KANK1: variants seen among roughly 807,000 people sequenced by gnomAD.
The protein encoded by KANK1 is KN motif and ankyrin repeat domain-containing protein 1.
A neutral mutation model predicts 106.2 loss-of-function variants in KANK1; 109 were observed. The observed-to-expected ratio is 1.03, with a 90% confidence interval of 0.88 to 1.20. The LOEUF (loss-of-function observed/expected upper bound fraction) is 1.20. KANK1 is among the 50% of genes most tolerant of loss of function. The pLI, the probability that KANK1 is intolerant of heterozygous loss-of-function variation, is 0.00. For missense variants in KANK1, 2,399 were observed against 1,710.7 expected, an observed-to-expected ratio of 1.40 and a Z score of -7.10; for synonymous variants, 873 against 652.2, an observed-to-expected ratio of 1.34 and a Z score of -5.16.
chr9:563,491 G>A (rs183309720), intron 1 of KANK1, among the ~76,000 whole-genome samples: 164 of 152,280 alleles, frequency 1.1e-3, no homozygotes, highest in African/African-American at 3.7e-3. Context: ...GTAATATGTT[G>A]TTAACTGAAA....
chr9:596,506 C>G (rs905673992), intron 1 of KANK1, among the ~76,000 whole-genome samples: 1 of 151,690 alleles, frequency 6.6e-6, no homozygotes, highest in African/African-American at 2.4e-5. Flanking sequence ...TGTCACGGAG[C>G]CAGTGATTAT....
rs147796892 is a variant in KANK1 at position 535,934 on chromosome 9, A to C, written c.-84+31180A>C. ...CCAAGCTCCTTCACTACCCAATTCC[A>C]AAACCACTTCCACATTTTTTGGTAT... On this transcript the variant is annotated intron_variant, in intron 1 of 11. Transcript: ENST00000382297. Among the ~76,000 whole-genome samples the C allele has an allele frequency of 1.5e-3, 228 of 152,268 alleles. 1 individual carries two copies. The highest frequency in any genetic ancestry group is 5.1e-3 in the African/African-American group (212 of 41,538).
At chr9:731,482 T>A in intron 5 of KANK1, 1 of 410,560 alleles carries the variant, frequency 2.4e-6, no homozygotes. Context: ...CTGATGAAGC[T>A]GAGCGGTTTA....
intron 1 of KANK1, among the ~76,000 whole-genome samples, chr9:619,900 T>C (rs750622143): frequency 6.6e-6 from 1 of 151,864 alleles, no homozygotes; most frequent in Non-Finnish European, 1.5e-5. Context: ...ATTTTGGGAG[T>C]CTGAGGCGAG....
chr9:491,540 TAC>T (rs1323918235), intron 3 of KANK1, among the ~76,000 whole-genome samples: 3 of 152,142 alleles, frequency 2.0e-5, no homozygotes, highest in Admixed American at 6.6e-5. Context: ...GTGCTGGGAT[TAC>T]AGGTGTGAGC....
At chr9:715,387 C>G (rs1024157105) in intron 3 of KANK1, among the ~76,000 whole-genome samples, 1 of 152,104 alleles carries the variant, frequency 6.6e-6, no homozygotes, top group Non-Finnish European at 1.5e-5. Context: ...AGTGGATCAT[C>G]CATTATAAAA....
Position 713,139 on chromosome 9 carries a change from A to C in KANK1, c.2373A>C (p.Thr791=), listed in dbSNP as rs768139583. The C allele has an allele frequency of 9.7e-5, 155 of 1,597,264 alleles. No homozygotes were observed. The highest frequency in any genetic ancestry group is 3.3e-4 in the Middle Eastern group (2 of 5,984). ...CGPPQLTVGL[T]ASRRSVGVGD... ...CACCACAGTTGACTGTGGGGCTGAC[A>C]GCCAGCAGAAGGAGCGTGGGGGTTG... The change falls in exon 3 of 12, where the codon ACA becomes ACC. Residue 791 remains threonine (T), a synonymous_variant. Transcript: ENST00000382297.
chr9:583,430 C>G (rs1207348057), intron 1 of KANK1, among the ~76,000 whole-genome samples: 2 of 152,076 alleles, frequency 1.3e-5, no homozygotes, highest in Admixed American at 6.5e-5. Context: ...CCTGCATGTT[C>G]TTTAATCTTC....
At chr9:735,679 T>TA in intron 7 of KANK1, 1 of 371,172 alleles carries the variant, frequency 2.7e-6, no homozygotes, top group Non-Finnish European at 5.9e-6. Flanking sequence ...CCATATATTT[T>TA]AAATCATTTC....
rs1563971981 is a variant in KANK1 at position 677,066 on chromosome 9, T to A, written c.37+57T>A. ...ATGTATGTCTTTTCTCAAACTAATT[T>A]TTTATTCTCTTTAATAATGAACGGA... On this transcript the variant is annotated intron_variant, in intron 2 of 11. Coordinates refer to ENST00000382297, the MANE Select transcript of KANK1 (RefSeq NM_015158.5). The A allele has an allele frequency of 2.2e-5, 32 of 1,473,144 alleles. No homozygotes were observed. The South Asian group carries it at 3.7e-4, about 17-fold the overall frequency. 91.3% of individuals were successfully genotyped at this position (1,473,144 alleles called of 1,614,324 possible).
chr9:486,917 C>T (rs546879104), intron 3 of KANK1, among the ~76,000 whole-genome samples: 1 of 152,248 alleles, frequency 6.6e-6, no homozygotes, highest in East Asian at 1.9e-4. Flanking sequence ...TTTATGTCTT[C>T]TTGCAGTAAA....
At chr9:656,348 A>G (rs775183530) in intron 1 of KANK1, among the ~76,000 whole-genome samples, 6 of 152,042 alleles carry the variant, frequency 3.9e-5, no homozygotes, top group Non-Finnish European at 7.4e-5. Context: ...GGCTTGTTGA[A>G]TTTTCTCAGC....
At position 744,568 on chromosome 9, in the gene KANK1, C is replaced by G. The variant is rs767287925; in HGVS notation, c.3975C>G (p.Asn1325Lys). The change falls in exon 11 of 12, where the codon AAC (asparagine) becomes AAG (lysine). Residue 1325 changes from asparagine (N) to lysine (K), a missense_variant. Transcript: ENST00000382297. ...DIAVLLYAHV[N>K]FAKAQSPGTP... ...CTGTTCTTCTGTATGCCCATGTCAACTTTGCAAAAGCCCAGTCTCCGGTCA... is the reference window on the plus strand; with the variant it reads ...CTGTTCTTCTGTATGCCCATGTCAAGTTTGCAAAAGCCCAGTCTCCGGTCA... 1.9e-6 allele frequency: 3 copies of G among 1,614,058 alleles called. No individual in the cohort carries two copies. In the African/African-American group the frequency reaches 4.0e-5, roughly 22 times the overall value.
At chr9:681,372 T>C (rs1817521706) in intron 2 of KANK1, among the ~76,000 whole-genome samples, 1 of 152,180 alleles carries the variant, frequency 6.6e-6, no homozygotes, top group African/African-American at 2.4e-5. Flanking sequence ...AAAATAGCTG[T>C]GTTTCTTTGG....
At chr9:585,055 A>T (rs556951304) in intron 1 of KANK1, among the ~76,000 whole-genome samples, 1 of 152,104 alleles carries the variant, frequency 6.6e-6, no homozygotes, top group East Asian at 1.9e-4. Flanking sequence ...GCAGCATTTG[A>T]TGTGTTACTC....
chr9:715,294 T>C (rs1176404035), intron 3 of KANK1, among the ~76,000 whole-genome samples: 1 of 152,218 alleles, frequency 6.6e-6, no homozygotes, highest in Non-Finnish European at 1.5e-5. Context: ...ACTCATGCCA[T>C]GTCTGCTTTG....
chr9:660,702 A>G (rs533397651), intron 1 of KANK1, among the ~76,000 whole-genome samples: 3 of 152,280 alleles, frequency 2.0e-5, no homozygotes, highest in East Asian at 1.9e-4. Context: ...CACCCGAACA[A>G]TCCTCGGTGA....
At chr9:613,336 G>T (rs545072177) in intron 1 of KANK1, among the ~76,000 whole-genome samples, 10 of 151,096 alleles carry the variant, frequency 6.6e-5, no homozygotes, top group African/African-American at 2.4e-4. Flanking sequence ...AATCGTTGCT[G>T]GAGATAGAGC....
Position 712,054 on chromosome 9 carries a change from C to T in KANK1, c.1288C>T (p.Leu430Phe). ...CTGTAAGGATGCAGCTGTAGGGACA[C>T]TTGTTGAGATGAGAAATTGTGGGGT... ...RSCKDAAVGT[L>F]VEMRNCGVSV... Residue 430 changes from leucine to phenylalanine, a missense_variant, in exon 3 of 12, where the codon CTT becomes TTT. By Grantham distance (22) the Leu-to-Phe change is conservative (BLOSUM62 0). Coordinates refer to ENST00000382297, the MANE Select transcript of KANK1 (RefSeq NM_015158.5). 1 of 1,614,068 alleles carries T rather than the reference C, an allele frequency of 6.2e-7. No individual in the cohort carries two copies.
Sources: gnomAD v4.1 joint callset for allele counts (sites outside exome capture counted in the v4.1 genomes callset) on GRCh38, gnomAD v4.1.1 for gene constraint, MANE v1.5 for transcripts, NCBI Gene and HGNC (gene_info 2026-07-23, HGNC 2026-07-21) for gene names.